Variants in USP3 observed in about 807,000 individuals in gnomAD.
USP3 encodes ubiquitin carboxyl-terminal hydrolase 3.
A neutral mutation model predicts 72.3 loss-of-function variants in USP3; 20 were observed. The observed-to-expected ratio is 0.28, with a 90% CI of 0.19 to 0.40. The LOEUF (loss-of-function observed/expected upper bound fraction) is 0.40, where lower values mean the gene tolerates loss of function less well. Among genes scored for constraint, USP3 ranks in the 10% least tolerant of loss-of-function variants. USP3 has a pLI of 1.00. For synonymous variants in USP3, 222 were observed against 225.3 expected (o/e 0.99, Z 0.13); for missense variants, 479 against 633.9 (o/e 0.76, Z 2.62).
At chr15:63,545,711 T>C (rs2066311192) in intron 3 of USP3, among the ~76,000 whole-genome samples, 1 of 152,056 alleles carries the variant, frequency 6.6e-6, no homozygotes, top group African/African-American at 2.4e-5. Context: ...AGCTCACAAC[T>C]GTAATCCCAG....
At position 63,525,975 on chromosome 15, in the gene USP3, T is replaced by G. The variant is rs537725823; in HGVS notation, c.92-6672T>G. Among the ~76,000 whole-genome samples the G allele has an allele frequency of 5.3e-5, 8 of 152,364 alleles. No homozygotes were observed. In the South Asian group the frequency reaches 1.7e-3, roughly 32 times the overall value. On this transcript the variant is annotated intron_variant, in intron 1 of 14. Transcript: ENST00000380324. ...TCCATAGAGCTATAATCTTGGATTT[T>G]GATTTAACTTTCCACTCATGCTTGA...
At chr15:63,581,259 G>C (rs1421225003) in intron 11 of USP3, among the ~76,000 whole-genome samples, 1 of 152,050 alleles carries the variant, frequency 6.6e-6, no homozygotes, top group Non-Finnish European at 1.5e-5. Context: ...CCAAATCTGT[G>C]AATGTTAAGG....
At chr15:63,531,216 C>T (rs1433291279) in intron 1 of USP3, among the ~76,000 whole-genome samples, 2 of 152,100 alleles carry the variant, frequency 1.3e-5, no homozygotes, top group East Asian at 3.8e-4. Flanking sequence ...ATAGGATGAA[C>T]ATAGTCAAAG....
intron 1 of USP3, among the ~76,000 whole-genome samples, chr15:63,518,628 A>G (rs1257534391): frequency 6.6e-6 from 1 of 152,206 alleles, no homozygotes; most frequent in Non-Finnish European, 1.5e-5. Flanking sequence ...GAACTTCCGT[A>G]TACTTAGATT....
intron 1 of USP3, among the ~76,000 whole-genome samples, chr15:63,525,569 GCT>G (rs896192053): frequency 6.6e-6 from 1 of 152,106 alleles, no homozygotes; most frequent in African/African-American, 2.4e-5. Flanking sequence ...CTCAGTTCTT[GCT>G]CTCTTTTTGT....
chr15:63,572,374 G>A (rs909412006), intron 9 of USP3, among the ~76,000 whole-genome samples: 20 of 151,684 alleles, frequency 1.3e-4, no homozygotes, highest in Non-Finnish European at 2.9e-5. Context: ...ATTTTCAGCA[G>A]GGTTTTGTTT....
chr15:63,554,070 G>A (rs10450963), intron 4 of USP3, among the ~76,000 whole-genome samples: 5,020 of 152,128 alleles, frequency 0.033, 106 homozygotes, highest in Middle Eastern at 0.099. Flanking sequence ...CAATTTATAA[G>A]CTACTCAATT....
intron 2 of USP3, chr15:63,533,838 C>CTT: frequency 8.1e-7 from 1 of 1,228,798 alleles, no homozygotes; most frequent in Non-Finnish European, 1.0e-6. Context: ...GTACAGATAA[C>CTT]TTTTTTTTAA....
intron 5 of USP3, among the ~76,000 whole-genome samples, chr15:63,557,381 A>G (rs1404354781): frequency 2.0e-5 from 3 of 149,626 alleles, no homozygotes; most frequent in Admixed American, 6.6e-5. Flanking sequence ...TCCTGCCTCA[A>G]CCTCCCAAGT....
Position 63,574,595 on chromosome 15 carries a change from T to A in USP3, c.1096+192T>A, listed in dbSNP as rs1285951584. Among the ~76,000 whole-genome samples the A allele has an allele frequency of 1.3e-5, 2 of 152,036 alleles. No homozygotes were observed. The highest frequency in any genetic ancestry group is 1.3e-4 in the Admixed American group (2 of 15,288). On this transcript the variant is annotated intron_variant, in intron 11 of 14. Coordinates refer to ENST00000380324, the MANE Select transcript of USP3 (RefSeq NM_006537.4). This position sits in a 1 kb window ranked among gnomAD's most constrained non-coding sequence, Gnocchi z 4.6. ...AATAAGAATGTGTGCCATAAGATAT[T>A]GTGTGAAGCATAAAATATTTCTCAC...
intron 6 of USP3, among the ~76,000 whole-genome samples, chr15:63,558,685 G>T (rs2066552858): frequency 6.6e-6 from 1 of 152,022 alleles, no homozygotes; most frequent in African/African-American, 2.4e-5. Flanking sequence ...GACCAGCCTG[G>T]CCAACATAGT....
At chr15:63,562,125 A>G (rs1454914821) in intron 7 of USP3, among the ~76,000 whole-genome samples, 1 of 152,154 alleles carries the variant, frequency 6.6e-6, no homozygotes, top group Non-Finnish European at 1.5e-5. Context: ...CTCCGTCCTC[A>G]TTCCTAGCAG....
chr15:63,508,728 T>G (rs1055370374), intron 1 of USP3, among the ~76,000 whole-genome samples: 5 of 152,184 alleles, frequency 3.3e-5, no homozygotes, highest in Non-Finnish European at 4.4e-5. Flanking sequence ...ATGCAAGTGT[T>G]TTGATAACTA....
At chr15:63,511,266 TAA>T (rs61283920) in intron 1 of USP3, among the ~76,000 whole-genome samples, 10 of 42,860 alleles carry the variant, frequency 2.3e-4, no homozygotes, top group Admixed American at 2.2e-3. Context: ...TGCTTTTTCT[TAA>T]AAAAAAAAAA....
At chr15:63,552,619 G>A (rs2066452426) in intron 3 of USP3, among the ~76,000 whole-genome samples, 1 of 152,112 alleles carries the variant, frequency 6.6e-6, no homozygotes, top group African/African-American at 2.4e-5. Flanking sequence ...ATATAACATT[G>A]TAGTGACAGT....
intron 1 of USP3, among the ~76,000 whole-genome samples, chr15:63,510,788 G>C (rs2065770497): frequency 6.6e-6 from 1 of 152,116 alleles, no homozygotes; most frequent in Non-Finnish European, 1.5e-5. Context: ...GAATTGTCTT[G>C]TGCCAAGACC....
At chr15:63,526,312 A>G (rs1356870776) in intron 1 of USP3, among the ~76,000 whole-genome samples, 2 of 152,124 alleles carry the variant, frequency 1.3e-5, no homozygotes, top group Non-Finnish European at 2.9e-5. Flanking sequence ...GAAACACTCT[A>G]TGAGTTTAAT....
intron 11 of USP3, among the ~76,000 whole-genome samples, chr15:63,587,468 C>A (rs1483718112): frequency 6.6e-6 from 1 of 152,176 alleles, no homozygotes; most frequent in African/African-American, 2.4e-5. Flanking sequence ...AAGTTTAAAG[C>A]AAAATGACAT....
Position 63,593,520 on chromosome 15 carries a change from T to G in USP3, c.*2694T>G, listed in dbSNP as rs2067241034. On this transcript the variant is annotated 3_prime_UTR_variant, in exon 15 of 15. Coordinates refer to ENST00000380324, the MANE Select transcript of USP3 (RefSeq NM_006537.4). Reference sequence around the variant, plus strand: ...AACTTCAGCAACACGTTGGACTACTTTGTCGGGCAGAGTGGTCTTCAGACA... The same window carrying G: ...AACTTCAGCAACACGTTGGACTACTGTGTCGGGCAGAGTGGTCTTCAGACA... 1 of 152,248 alleles carries G rather than the reference T, an allele frequency of 6.6e-6. No homozygotes were observed. The highest frequency in any genetic ancestry group is 1.5e-5 in the Non-Finnish European group (1 of 68,032). The allele number at this position is 152,248 out of a possible 1,614,324, so 9.4% of individuals were successfully genotyped here.
Sources: gnomAD v4.1 joint callset for allele counts (sites outside exome capture counted in the v4.1 genomes callset) on GRCh38, gnomAD v4.1.1 for gene constraint, Gnocchi (gnomAD v3.1) non-coding constraint, MANE v1.5 for transcripts, NCBI Gene and HGNC (gene_info 2026-07-23, HGNC 2026-07-21) for gene names.